Variants in SLC22A23 observed in about 807,000 individuals in gnomAD.
SLC22A23 encodes solute carrier family 22 member 23.
In SLC22A23, 26 loss-of-function variants were observed where a neutral mutation model predicts 61.0. The ratio of observed to expected loss-of-function variants is 0.43; its 90% confidence interval spans 0.31 to 0.59. The LOEUF (loss-of-function observed/expected upper bound fraction) is 0.59, where lower values mean the gene tolerates loss of function less well. Ranked by LOEUF, SLC22A23 falls within the 20% of genes least tolerant of loss-of-function variation. The pLI, the probability that SLC22A23 is intolerant of heterozygous loss-of-function variation, is 0.11. For missense variants in SLC22A23, 796 were observed against 934.7 expected (o/e 0.85, Z 1.94); for synonymous variants, 430 against 413.9 (o/e 1.04, Z -0.47).
rs1015630291 is a variant in SLC22A23, at chr6:3,328,096, A to C, written c.914-4094T>G. Among the ~76,000 whole-genome samples the C allele has an allele frequency of 4.0e-5, 6 of 151,738 alleles. No homozygotes were observed. Among genetic ancestry groups the C allele is most frequent in the Non-Finnish European group, 5.9e-5 (4 of 67,990 alleles). On this transcript the variant is annotated intron_variant, in intron 3 of 9. Coordinates refer to ENST00000406686, the MANE Select transcript of SLC22A23 (RefSeq NM_015482.2). The surrounding 1 kb of genome is among the most constrained non-coding windows in gnomAD (Gnocchi z 5.0). ...CTGTCTCTAAAAAACAACCAACCAA[A>C]CAAACAACCGTTACTTTTCCCCTAA... is the stretch of plus-strand genomic sequence containing the variant.
intron 1 of SLC22A23, among the ~76,000 whole-genome samples, chr6:3,437,218 T>C (rs9503594): frequency 0.013 from 1,861 of 142,390 alleles, 49 homozygotes; most frequent in African/African-American, 0.046. Flanking sequence ...CATTTGCTTA[T>C]ACTTAAACCA....
intron 3 of SLC22A23, among the ~76,000 whole-genome samples, chr6:3,331,706 C>T (rs1008545265): frequency 1.3e-5 from 2 of 152,180 alleles, no homozygotes; most frequent in Non-Finnish European, 2.9e-5. Context: ...TGTGTAAAAA[C>T]AAAGACTGAT....
rs1760407247 is a variant in SLC22A23, at chr6:3,289,856, T to C, written c.1221A>G (p.Lys407=). 1.2e-6 allele frequency: 2 copies of C among 1,613,956 alleles called. No homozygotes were observed. The highest frequency in any genetic ancestry group is 1.7e-6 in the Non-Finnish European group (2 of 1,180,004). The stretch of plus-strand genomic sequence containing the variant: ...CCTTCTTGGGCCTCCGGGAAAGCTC[T>C]TTCTCCAGCTCTGCAAAGAAACAGA... ...DIKGVIPELE[K]ELSRRPKKVC... is the part of the protein sequence containing the mutation. The change falls in exon 6 of 10, where the codon AAA becomes AAG. Residue 407 remains lysine (K), a synonymous_variant. Transcript: ENST00000406686.
In SLC22A23 at chr6:3,329,266, A is replaced by G. The variant is rs967350864; in HGVS notation, c.914-5264T>C. ...CTTTTGAAGCCAATCTTTGAAAAAA[A>G]AAGGCCCATCCTCCCATAATGCACA... is the stretch of plus-strand genomic sequence containing the variant. On this transcript the variant is annotated intron_variant, in intron 3 of 9. Transcript: ENST00000406686. The surrounding 1 kb of genome is among the most constrained non-coding windows in gnomAD (Gnocchi z 4.8). Among the ~76,000 whole-genome samples the G allele has an allele frequency of 1.3e-5, 2 of 152,226 alleles. No individual in the cohort carries two copies. Among genetic ancestry groups the G allele is most frequent in the South Asian group, 2.1e-4 (1 of 4,830 alleles).
intron 3 of SLC22A23, among the ~76,000 whole-genome samples, chr6:3,400,129 C>G (rs557600769): frequency 6.6e-6 from 1 of 152,316 alleles, no homozygotes; most frequent in Admixed American, 6.5e-5. Context: ...CCACCCGCCT[C>G]GGCCTCCCAA....
intron 1 of SLC22A23, among the ~76,000 whole-genome samples, chr6:3,451,606 C>T (rs546401482): frequency 5.6e-4 from 86 of 152,264 alleles, no homozygotes; most frequent in African/African-American, 2.1e-3. Flanking sequence ...TATCTGAGAA[C>T]TTGGGCTGCG....
chr6:3,383,227 T>C (rs1184263012), intron 3 of SLC22A23, among the ~76,000 whole-genome samples: 1 of 152,244 alleles, frequency 6.6e-6, no homozygotes, highest in Non-Finnish European at 1.5e-5. Flanking sequence ...ACACACGGTA[T>C]GATTTGACTT....
chr6:3,297,364 G>C lies in SLC22A23; in HGVS notation c.1210+727C>G, dbSNP rs1207258988. On this transcript the variant is annotated intron_variant, in intron 5 of 9. Coordinates refer to ENST00000406686, the MANE Select transcript of SLC22A23 (RefSeq NM_015482.2). This position sits in a 1 kb window ranked among gnomAD's most constrained non-coding sequence, Gnocchi z 4.3. ...CAGTGAGGGCAGTGAGTCAGAGCTTGGGCCGAGACCACCAGTGATCTTCAA... is the reference window on the plus strand; with the variant it reads ...CAGTGAGGGCAGTGAGTCAGAGCTTCGGCCGAGACCACCAGTGATCTTCAA... Among the ~76,000 whole-genome samples the C allele has an allele frequency of 6.6e-6, 1 of 152,184 alleles. No individual in the cohort carries two copies. Among genetic ancestry groups the C allele is most frequent in the East Asian group, 1.9e-4 (1 of 5,198 alleles).
intron 3 of SLC22A23, among the ~76,000 whole-genome samples, chr6:3,364,262 G>C (rs1411876438): frequency 2.0e-5 from 3 of 152,168 alleles, no homozygotes; most frequent in South Asian, 4.1e-4. Context: ...ATGCAGGTGA[G>C]TGCATTCGAT....
intron 6 of SLC22A23, among the ~76,000 whole-genome samples, chr6:3,288,406 C>A (rs146894803): frequency 1.4e-3 from 212 of 152,380 alleles, no homozygotes; most frequent in African/African-American, 5.0e-3. Flanking sequence ...CAGGTGAATG[C>A]CTTTCCTCTT....
chr6:3,395,057 G>A (rs1389436000), intron 3 of SLC22A23, among the ~76,000 whole-genome samples: 2 of 152,194 alleles, frequency 1.3e-5, no homozygotes, highest in Admixed American at 6.5e-5. Context: ...TGCTGGCTCC[G>A]GAAGTGGGCA....
chr6:3,434,740 G>A (rs944177866), intron 1 of SLC22A23, among the ~76,000 whole-genome samples: 13 of 152,194 alleles, frequency 8.5e-5, no homozygotes, highest in Admixed American at 5.2e-4. Context: ...CGGAGGAGAC[G>A]CGAGGGGTGT....
At chr6:3,361,207 A>C (rs1364271000) in intron 3 of SLC22A23, among the ~76,000 whole-genome samples, 2 of 151,938 alleles carry the variant, frequency 1.3e-5, no homozygotes, top group Non-Finnish European at 2.9e-5. Flanking sequence ...TCTACTGAAA[A>C]AAAAGAGAGG....
intron 5 of SLC22A23, among the ~76,000 whole-genome samples, chr6:3,293,688 G>T (rs1760823189): frequency 6.6e-6 from 1 of 152,204 alleles, no homozygotes. Flanking sequence ...GCCTGCCTGG[G>T]GTCATACCTT....
intron 1 of SLC22A23, among the ~76,000 whole-genome samples, chr6:3,446,371 C>T (rs151137848): frequency 1.3e-5 from 2 of 152,306 alleles, no homozygotes; most frequent in East Asian, 3.9e-4. Context: ...TAAACATGGC[C>T]ACGCCCAGGA....
intron 3 of SLC22A23, among the ~76,000 whole-genome samples, chr6:3,399,335 T>A (rs1393368198): frequency 1.3e-5 from 2 of 152,206 alleles, no homozygotes; most frequent in African/African-American, 2.4e-5. Context: ...GGAATGTGGT[T>A]CCTGAACTGT....
intron 3 of SLC22A23, among the ~76,000 whole-genome samples, chr6:3,352,472 C>T (rs1453042551): frequency 6.6e-6 from 1 of 152,114 alleles, no homozygotes; most frequent in Admixed American, 6.6e-5. Context: ...CATACACGGC[C>T]ACATACACAC....
chr6:3,340,428 C>T (rs76328786), intron 3 of SLC22A23, among the ~76,000 whole-genome samples: 4,502 of 152,216 alleles, frequency 0.03, 213 homozygotes, highest in African/African-American at 0.1. Context: ...GGGACCCATA[C>T]GTAACCGCAG....
At position 3,456,062 on chromosome 6, in the gene SLC22A23, C is replaced by A. The variant is rs1772388545; in HGVS notation, c.498G>T (p.Glu166Asp). ...PTTPFATAPW[E>D]AAGNRSNSSG... ...TGCTGTTGCTCCGGTTGCCCGCAGC[C>A]TCCCAGGGGGCAGTGGCGAAGGGGG... Residue 166 changes from glutamate (E) to aspartate (D), a missense_variant, in exon 1 of 10, where the codon GAG (glutamate) becomes GAT (aspartate). Physicochemically the swap from Glu to Asp is conservative, Grantham distance 45. Coordinates refer to ENST00000406686, the MANE Select transcript of SLC22A23 (RefSeq NM_015482.2). This position sits in a 1 kb window ranked among gnomAD's most constrained non-coding sequence, Gnocchi z 7.1. 7 of 1,549,460 alleles carry A rather than the reference C, an allele frequency of 4.5e-6. No homozygotes were observed. In the East Asian group the frequency reaches 1.7e-4, roughly 38 times the overall value.
Sources: allele counts gnomAD v4.1 joint callset (sites outside exome capture counted in the v4.1 genomes callset), GRCh38; gene constraint gnomAD v4.1.1; non-coding constraint Gnocchi (gnomAD v3.1); transcripts MANE v1.5; gene names NCBI Gene and HGNC (gene_info 2026-07-23, HGNC 2026-07-21).